The following BABAM2 variants were observed in gnomAD, a reference collection of about 807,000 sequenced individuals.
BABAM2 encodes BRISC and BRCA1 A complex member 2.
Under a neutral mutation model 54.7 loss-of-function variants are expected in BABAM2, and 31 were observed. The observed-to-expected ratio is 0.57, with a 90% CI of 0.43 to 0.77. The LOEUF (loss-of-function observed/expected upper bound fraction) is 0.77. Among genes scored for constraint, BABAM2 ranks in the 30% least tolerant of loss-of-function variants. The probability of loss-of-function intolerance (pLI) is 0.00; values close to 1 mark genes in which losing one functional copy is unlikely to be tolerated. For synonymous variants in BABAM2, 167 were observed against 162.9 expected (o/e 1.03, Z -0.19); for missense variants, 364 against 455.8 (o/e 0.80, Z 1.83).
chr2:27,938,012 C>T (rs1668611144), intron 3 of BABAM2, among the ~76,000 whole-genome samples: 1 of 152,132 alleles, frequency 6.6e-6, no homozygotes, highest in Admixed American at 6.5e-5. Flanking sequence ...TAGTGTTACT[C>T]CTCTTCATGT....
chr2:28,187,331 T>C (rs1473396276), intron 7 of BABAM2, among the ~76,000 whole-genome samples: 2 of 152,156 alleles, frequency 1.3e-5, no homozygotes, highest in Admixed American at 6.5e-5. Flanking sequence ...TTGGTTTGGG[T>C]AGCACTATAG....
At chr2:27,925,064 A>G (rs1320008654) in intron 2 of BABAM2, among the ~76,000 whole-genome samples, 1 of 152,168 alleles carries the variant, frequency 6.6e-6, no homozygotes, top group African/African-American at 2.4e-5. Flanking sequence ...CCCTGCACCT[A>G]ACTGGAGATT....
intron 7 of BABAM2, among the ~76,000 whole-genome samples, chr2:28,141,308 CCCCCATGA>C (rs1407525959): frequency 7.1e-6 from 1 of 140,846 alleles, no homozygotes; most frequent in Non-Finnish European, 1.6e-5. Context: ...CAACCCTAAA[CCCCCATGA>C]TGCCATGAGG....
chr2:28,233,267 C>T lies in BABAM2; in HGVS notation c.681-3935C>T, dbSNP rs180864068. On this transcript the variant is annotated intron_variant, in intron 7 of 11. Coordinates refer to ENST00000379624, the MANE Select transcript of BABAM2 (RefSeq NM_199191.3). ...TCTCCTCATAATTCTTCCCCAGCCA[C>T]TTAGTGGGTTAGTCAGGCCCTGCCT... is the stretch of plus-strand genomic sequence containing the variant. 1.4e-4 allele frequency: 64 copies of T among 471,302 alleles called. 1 individual carries two copies. Among genetic ancestry groups the T allele is most frequent in the Middle Eastern group, 9.8e-4 (3 of 3,074 alleles). The allele number at this position is 471,302 out of a possible 1,614,324, so 29.2% of individuals were successfully genotyped here. A position where few individuals can be genotyped will look rare whatever the true frequency, so the allele number is the denominator to read the frequency against.
intron 10 of BABAM2, among the ~76,000 whole-genome samples, chr2:28,274,748 G>A (rs1490988426): frequency 6.6e-6 from 1 of 152,222 alleles, no homozygotes; most frequent in Non-Finnish European, 1.5e-5. Context: ...GAGCTGAGTG[G>A]TCAGAGCACC....
At chr2:28,300,361 C>G (rs1688014505) in intron 11 of BABAM2, among the ~76,000 whole-genome samples, 1 of 152,148 alleles carries the variant, frequency 6.6e-6, no homozygotes, top group African/African-American at 2.4e-5. Context: ...TTTATTTTCT[C>G]TTTTTATCCG....
chr2:28,016,509 C>T (rs921716409), intron 4 of BABAM2: 26 of 908,222 alleles, frequency 2.9e-5, no homozygotes, highest in East Asian at 1.3e-4. Context: ...CACAGTCGCA[C>T]GCCGAGGGAA....
intron 10 of BABAM2, among the ~76,000 whole-genome samples, chr2:28,297,425 T>C (rs1687785597): frequency 6.6e-6 from 1 of 152,244 alleles, no homozygotes; most frequent in Non-Finnish European, 1.5e-5. Flanking sequence ...GTGGATAACA[T>C]TCATACACAT....
At chr2:28,135,399 T>C (rs1176458118) in intron 7 of BABAM2, among the ~76,000 whole-genome samples, 3 of 152,186 alleles carry the variant, frequency 2.0e-5, no homozygotes, top group Admixed American at 6.5e-5. Context: ...CCTTGTCTCC[T>C]TCACTGCTAC....
At chr2:27,975,968 A>G (rs958051041) in intron 3 of BABAM2, among the ~76,000 whole-genome samples, 13 of 152,158 alleles carry the variant, frequency 8.5e-5, no homozygotes, top group African/African-American at 3.1e-4. Flanking sequence ...ATTAGTCATT[A>G]GGAAAATGCA....
chr2:28,310,000 C>A, intron 11 of BABAM2: 1 of 1,443,722 alleles, frequency 6.9e-7, no homozygotes. Context: ...AAAAGCAAAT[C>A]ATATAAATAA....
At chr2:27,977,726 G>A (rs1242118981) in intron 3 of BABAM2, among the ~76,000 whole-genome samples, 1 of 152,118 alleles carries the variant, frequency 6.6e-6, no homozygotes, top group Non-Finnish European at 1.5e-5. Flanking sequence ...TAGACAAACT[G>A]GTACATATTC....
At chr2:28,095,680 TGAAAA>T (rs1666554852) in intron 6 of BABAM2, among the ~76,000 whole-genome samples, 1 of 152,190 alleles carries the variant, frequency 6.6e-6, no homozygotes, top group Admixed American at 6.5e-5. Context: ...AGGGTTCTTA[TGAAAA>T]GATTTGGTAC....
chr2:27,991,409 C>T (rs745848256), intron 4 of BABAM2, among the ~76,000 whole-genome samples: 11 of 152,220 alleles, frequency 7.2e-5, no homozygotes, highest in Admixed American at 5.2e-4. Flanking sequence ...ATTTATATGC[C>T]GTACAATTCA....
chr2:28,254,361 T>G (rs960431491), intron 10 of BABAM2, among the ~76,000 whole-genome samples: 1 of 152,148 alleles, frequency 6.6e-6, no homozygotes, highest in African/African-American at 2.4e-5. Context: ...GGTCTCGAAC[T>G]CCTGACCTCA....
At chr2:27,973,433 T>G (rs1671365956) in intron 3 of BABAM2, among the ~76,000 whole-genome samples, 1 of 151,492 alleles carries the variant, frequency 6.6e-6, no homozygotes, top group Non-Finnish European at 1.5e-5. Flanking sequence ...ATGTAATCTT[T>G]TTTTTTTTTT....
At chr2:28,188,130 C>G (rs957008572) in intron 7 of BABAM2, among the ~76,000 whole-genome samples, 3 of 152,190 alleles carry the variant, frequency 2.0e-5, no homozygotes, top group Non-Finnish European at 4.4e-5. Context: ...GTATGTGCCA[C>G]TGCATGATCC....
intron 7 of BABAM2, among the ~76,000 whole-genome samples, chr2:28,209,212 C>T (rs1014495877): frequency 2.6e-5 from 4 of 152,132 alleles, no homozygotes; most frequent in Non-Finnish European, 5.9e-5. Context: ...GTGTCCATAG[C>T]GGAAGTCAAC....
Position 28,072,664 on chromosome 2 carries a change from C to T in BABAM2, c.570+26865C>T, listed in dbSNP as rs181770356. ...CCTCCCAAAGTGCTGGGATTACAGGCGTGAGCCACTGTGCCCGGCCAGCCT... is the reference window on the plus strand; with the variant it reads ...CCTCCCAAAGTGCTGGGATTACAGGTGTGAGCCACTGTGCCCGGCCAGCCT... On this transcript the variant is annotated intron_variant, in intron 6 of 11. Coordinates refer to ENST00000379624, the MANE Select transcript of BABAM2 (RefSeq NM_199191.3). 5.4e-4 allele frequency among the ~76,000 whole-genome samples: 82 copies of T among 152,190 alleles called. No individual in the cohort carries two copies. In the East Asian group the frequency reaches 0.015, roughly 28 times the overall value.
Sources: allele counts gnomAD v4.1 joint callset (sites outside exome capture counted in the v4.1 genomes callset), GRCh38; gene constraint gnomAD v4.1.1; transcripts MANE v1.5; gene names NCBI Gene and HGNC (gene_info 2026-07-23, HGNC 2026-07-21).